KCNQ2: variants seen among roughly 807,000 people sequenced by gnomAD.
The protein encoded by KCNQ2 is potassium voltage-gated channel subfamily KQT member 2.
In KCNQ2, 14 loss-of-function variants were observed where a neutral mutation model predicts 84.8. The ratio of observed to expected loss-of-function variants is 0.17; its 90% CI spans 0.11 to 0.26. KCNQ2 has a LOEUF of 0.26. KCNQ2 is among the 10% of genes least tolerant of loss of function. KCNQ2 has a pLI of 1.00. For synonymous variants in KCNQ2, 599 were observed against 554.1 expected, an observed-to-expected ratio of 1.08 and a Z score of -1.14; for missense variants, 788 against 1,254.0, an observed-to-expected ratio of 0.63 and a Z score of 5.61.
In KCNQ2 at chr20:63,406,673, C is replaced by A; in HGVS notation, c.2590G>T (p.Asp864Tyr). ...TTCCTGGGCCCGGCCCAGCCCACGT[C>A]ACCAAAGGGACCCTCGCCGGTGGCC... is the stretch of plus-strand genomic sequence containing the variant. Reference protein sequence around the residue: ...RSATGEGPFGDVGWAGPRK With the variant: ...RSATGEGPFGYVGWAGPRK The change falls in exon 17 of 17, where the codon GAC becomes TAC. Residue 864 changes from aspartate (D) to tyrosine (Y), a missense_variant. By Grantham distance (160) the Asp-to-Tyr change is radical. Coordinates refer to ENST00000359125, the MANE Select transcript of KCNQ2 (RefSeq NM_172107.4). 1 of 1,601,340 alleles carries A rather than the reference C, an allele frequency of 6.2e-7. No homozygotes were observed. Among genetic ancestry groups the A allele is most frequent in the South Asian group, 1.1e-5 (1 of 90,208 alleles).
At chr20:63,456,483 G>A (rs566947261) in intron 1 of KCNQ2, among the ~76,000 whole-genome samples, 35 of 152,200 alleles carry the variant, frequency 2.3e-4, no homozygotes, top group African/African-American at 8.2e-4. Context: ...AAATGAAAAC[G>A]GAACACGTGA....
intron 8 of KCNQ2, 144 bp downstream of exon 8, chr20:63,433,665 C>A: frequency 2.0e-6 from 3 of 1,497,274 alleles, no homozygotes; most frequent in South Asian, 2.3e-5. Flanking sequence ...TCGAAATAAA[C>A]CACACACAGA....
Position 63,400,933 on chromosome 20 carries a change from T to C in KCNQ2, c.*5711A>G, listed in dbSNP as rs991016197. On this transcript the variant is annotated 3_prime_UTR_variant, in exon 17 of 17. Transcript: ENST00000359125. This position sits in a 1 kb window ranked among gnomAD's most constrained non-coding sequence, Gnocchi z 8.7. ...GGGGCATGGGGCGACCTCAGGGAGT[T>C]CCTGTCCACATGCATTAAGGCAACG... is the stretch of plus-strand genomic sequence containing the variant. 1 of 398,122 alleles carries C rather than the reference T, an allele frequency of 2.5e-6. No homozygotes were observed. The highest frequency in any genetic ancestry group is 4.4e-5 in the Admixed American group (1 of 22,728). 24.7% of individuals were successfully genotyped at this position (398,122 alleles called of 1,614,324 possible). A position where few individuals can be genotyped will look rare whatever the true frequency, so the allele number is the denominator to read the frequency against.
chr20:63,406,443 A>G lies in KCNQ2; in HGVS notation c.*201T>C. 1.5e-6 allele frequency: 1 copy of G among 666,396 alleles called. No individual in the cohort carries two copies. Among genetic ancestry groups the G allele is most frequent in the Non-Finnish European group, 2.5e-6 (1 of 403,228 alleles). 41.3% of individuals were successfully genotyped at this position (666,396 alleles called of 1,614,324 possible). A position where few individuals can be genotyped will look rare whatever the true frequency, so the allele number is the denominator to read the frequency against. ...GCCACAGGGCCCTGCCCAGCCCTCCAGCCCCTGTTGGAAAATAACTTTTGT... is the reference window on the plus strand; with the variant it reads ...GCCACAGGGCCCTGCCCAGCCCTCCGGCCCCTGTTGGAAAATAACTTTTGT... On this transcript the variant is annotated 3_prime_UTR_variant, in exon 17 of 17. Coordinates refer to ENST00000359125, the MANE Select transcript of KCNQ2 (RefSeq NM_172107.4).
intron 1 of KCNQ2, among the ~76,000 whole-genome samples, chr20:63,461,642 T>C (rs1300714816): frequency 1.3e-5 from 2 of 151,878 alleles, no homozygotes; most frequent in Non-Finnish European, 2.9e-5. Flanking sequence ...GGCAGAAATA[T>C]CACCTACCCC....
intron 1 of KCNQ2, among the ~76,000 whole-genome samples, chr20:63,463,526 G>A (rs763998219): frequency 4.6e-5 from 7 of 152,118 alleles, no homozygotes; most frequent in Admixed American, 1.3e-4. Context: ...CCCTGCACCC[G>A]CACACAGGGG....
In KCNQ2 at chr20:63,415,035, G is replaced by T. The variant is rs756622558; in HGVS notation, c.1393C>A (p.Arg465=). The T allele has an allele frequency of 6.2e-7, 1 of 1,609,302 alleles. No individual in the cohort carries two copies. Residue 465 remains arginine, a synonymous_variant, in exon 13 of 17, where the codon CGG becomes AGG. Coordinates refer to ENST00000359125, the MANE Select transcript of KCNQ2 (RefSeq NM_172107.4). Reference sequence around the variant, plus strand: ...AGGCTCTGGTCGGCGCTGGGTGACCGCCTCACAGTCTGGGCCTGCGGGGAC... The same window carrying T: ...AGGCTCTGGTCGGCGCTGGGTGACCTCCTCACAGTCTGGGCCTGCGGGGAC... ...KGSPQAQTVR[R]SPSADQSLED...
At chr20:63,417,255 G>A (rs1435163042) in intron 12 of KCNQ2, among the ~76,000 whole-genome samples, 2 of 152,220 alleles carry the variant, frequency 1.3e-5, no homozygotes, top group East Asian at 1.9e-4. Context: ...GGGAGCACAT[G>A]GGCACAGGCT....
At chr20:63,457,108 C>T (rs1030129766) in intron 1 of KCNQ2, among the ~76,000 whole-genome samples, 2 of 152,240 alleles carry the variant, frequency 1.3e-5, no homozygotes, top group African/African-American at 4.8e-5. Context: ...GCGCGGGCGC[C>T]GCTGACAGAG....
rs1313461784 is a variant in KCNQ2, at chr20:63,405,164, G to C, written c.*1480C>G. ...CAAGTGCACTGAAAACGCAGGTGGAGGAGAAACGGGCCCAGGACTCCCCTG... is the reference window on the plus strand; with the variant it reads ...CAAGTGCACTGAAAACGCAGGTGGACGAGAAACGGGCCCAGGACTCCCCTG... On this transcript the variant is annotated 3_prime_UTR_variant, in exon 17 of 17. Transcript: ENST00000359125. 2 of 152,378 alleles carry C rather than the reference G, an allele frequency of 1.3e-5. No individual in the cohort carries two copies. Among genetic ancestry groups the C allele is most frequent in the African/African-American group, 4.8e-5 (2 of 41,446 alleles). 9.4% of individuals were successfully genotyped at this position (152,378 alleles called of 1,614,324 possible).
rs1245296852 is a variant in KCNQ2, at chr20:63,442,490, G to A, written c.732C>T (p.Ile244=). The part of the protein sequence containing the change: ...TAWYIGFLCL[I]LASFLVYLAE... ...CCAAGTACACCAGGAACGAGGCCAG[G>A]ATGAGACAAAGGAAGCCGATGTACC... The change falls in exon 5 of 17, where the codon ATC becomes ATT. Residue 244 remains isoleucine, a synonymous_variant. Transcript: ENST00000359125. 3 of 1,613,478 alleles carry A rather than the reference G, an allele frequency of 1.9e-6. No homozygotes were observed. Among genetic ancestry groups the A allele is most frequent in the East Asian group, 4.5e-5 (2 of 44,876 alleles).
At chr20:63,437,241 G>A (rs1279774990) in intron 7 of KCNQ2, 1 of 152,236 alleles carries the variant, frequency 6.6e-6, no homozygotes, top group Admixed American at 6.5e-5. Flanking sequence ...CAGCTGCTAA[G>A]AGTGACCTTC....
In KCNQ2 at chr20:63,406,895, T is replaced by G. The variant is rs569550810; in HGVS notation, c.2368A>C (p.Ile790Leu). 6.2e-7 allele frequency: 1 copy of G among 1,611,668 alleles called. No homozygotes were observed. The highest frequency in any genetic ancestry group is 1.7e-5 in the Admixed American group (1 of 59,960). ...AGCTCCTCGTGGTCCACGGACGGGA[T>G]GGAGATGGACGTGTCGCTGTCCCGC... ...NLRDSDTSIS[I>L]PSVDHEELER... The change falls in exon 17 of 17, where the codon ATC becomes CTC. Residue 790 changes from isoleucine (I) to leucine (L), a missense_variant. Physicochemically the swap from Ile to Leu is conservative, Grantham distance 5. Transcript: ENST00000359125.
In KCNQ2 at chr20:63,435,390, C is replaced by CAAAA. The variant is rs11471604; in HGVS notation, c.1024-1488_1024-1487insTTTT. On this transcript the variant is annotated intron_variant, in intron 7 of 16. Coordinates refer to ENST00000359125, the MANE Select transcript of KCNQ2 (RefSeq NM_172107.4). ...GCAAGAGAGCAAGTCCCTATCTCAA[C>CAAAA]AACAACAAAAAAAAAAAGTTGGCCA... Among the ~76,000 whole-genome samples, 188 of 136,208 alleles carry CAAAA rather than the reference C, an allele frequency of 1.4e-3. 5 individuals carry two copies. The highest frequency in any genetic ancestry group is 4.8e-3 in the African/African-American group (171 of 35,802). The allele number at this position is 136,208 out of a possible 152,430, so 89.4% of individuals were successfully genotyped here.
In KCNQ2 at chr20:63,402,060, TC is replaced by T. The variant is rs2079821360; in HGVS notation, c.*4583del. On this transcript the variant is annotated 3_prime_UTR_variant, in exon 17 of 17. Coordinates refer to ENST00000359125, the MANE Select transcript of KCNQ2 (RefSeq NM_172107.4). Reference sequence around the variant, plus strand: ...TGTGAACCATCCCTCTCACACCACGTCTGCCGGGCACCCTCCATGGCAGGTC... The same window carrying T: ...TGTGAACCATCCCTCTCACACCACGTTGCCGGGCACCCTCCATGGCAGGTC... 1 of 161,546 alleles carries T rather than the reference TC, an allele frequency of 6.2e-6. No homozygotes were observed. Among genetic ancestry groups the T allele is most frequent in the African/African-American group, 2.9e-5 (1 of 34,942 alleles). The allele number at this position is 161,546 out of a possible 1,614,324, so 10.0% of individuals were successfully genotyped here. A position where few individuals can be genotyped will look rare whatever the true frequency, so the allele number is the denominator to read the frequency against.
At chr20:63,416,318 G>A (rs1489853773) in intron 12 of KCNQ2, among the ~76,000 whole-genome samples, 1 of 152,194 alleles carries the variant, frequency 6.6e-6, no homozygotes, top group Non-Finnish European at 1.5e-5. Flanking sequence ...TTTGGTGACC[G>A]TGGAGATGGG....
At position 63,414,201 on chromosome 20, in the gene KCNQ2, G is replaced by T. The variant is rs764932729; in HGVS notation, c.1526-8C>A. 2 of 1,606,028 alleles carry T rather than the reference G, an allele frequency of 1.2e-6. No homozygotes were observed. The highest frequency in any genetic ancestry group is 1.7e-6 in the Non-Finnish European group (2 of 1,173,268). On this transcript the variant is annotated splice_polypyrimidine_tract_variant and splice_region_variant and intron_variant, in intron 13 of 16. Coordinates refer to ENST00000359125, the MANE Select transcript of KCNQ2 (RefSeq NM_172107.4). This position sits in a 1 kb window ranked among gnomAD's most constrained non-coding sequence, Gnocchi z 6.6. ...CTCCGGGGAGGCTTGCTTCTGGGGGGAAGGAGACAGGCCGTGAGGGGCCGA... is the reference window on the plus strand; with the variant it reads ...CTCCGGGGAGGCTTGCTTCTGGGGGTAAGGAGACAGGCCGTGAGGGGCCGA...
At chr20:63,452,418 A>C (rs1361054128) in intron 1 of KCNQ2, among the ~76,000 whole-genome samples, 1 of 152,148 alleles carries the variant, frequency 6.6e-6, no homozygotes, top group Non-Finnish European at 1.5e-5. Context: ...TCAAGGCCTC[A>C]GCTGCTGGGA....
At chr20:63,415,973 C>T (rs1225863930) in intron 12 of KCNQ2, among the ~76,000 whole-genome samples, 2 of 152,318 alleles carry the variant, frequency 1.3e-5, no homozygotes, top group Admixed American at 6.5e-5. Context: ...AGCCACACTC[C>T]GGCCTTTCCA....
Sources: allele counts gnomAD v4.1 joint callset (sites outside exome capture counted in the v4.1 genomes callset), GRCh38; gene constraint gnomAD v4.1.1; non-coding constraint Gnocchi (gnomAD v3.1); transcripts MANE v1.5; gene names NCBI Gene and HGNC (gene_info 2026-07-23, HGNC 2026-07-21).